The following SLC35F5 variants were observed in gnomAD, a reference collection of about 807,000 sequenced individuals.
The protein encoded by SLC35F5 is solute carrier family 35 member F5.
Under a neutral mutation model 68.6 loss-of-function variants are expected in SLC35F5, and 54 were observed. The observed-to-expected ratio is 0.79, with a 90% CI of 0.63 to 0.99. The LOEUF (loss-of-function observed/expected upper bound fraction) is 0.99. Among genes scored for constraint, SLC35F5 ranks in the 50% least tolerant of loss-of-function variants. The pLI, the probability that SLC35F5 is intolerant of heterozygous loss-of-function variation, is 0.00. For synonymous variants in SLC35F5, 211 were observed against 205.2 expected (o/e 1.03, Z -0.24); for missense variants, 567 against 626.9 (o/e 0.90, Z 1.02).
intron 5 of SLC35F5, among the ~76,000 whole-genome samples, chr2:113,745,206 TGC>T (rs1265495660): frequency 4.6e-5 from 7 of 152,196 alleles, no homozygotes; most frequent in African/African-American, 1.7e-4. Flanking sequence ...ATCTCAACTT[TGC>T]CCTCTGTACT....
chr2:113,756,443 G>A lies in SLC35F5; in HGVS notation c.-34C>T. ...CGGTCAGGCCCCGCAGCCGCCCAGCGCCACGGCCGCGGCCTCGGACTCACA... is the reference window on the plus strand; with the variant it reads ...CGGTCAGGCCCCGCAGCCGCCCAGCACCACGGCCGCGGCCTCGGACTCACA... On this transcript the variant is annotated 5_prime_UTR_variant, in exon 1 of 16. Coordinates refer to ENST00000245680, the MANE Select transcript of SLC35F5 (RefSeq NM_025181.5). 1 of 1,540,000 alleles carries A rather than the reference G, an allele frequency of 6.5e-7. No individual in the cohort carries two copies. The highest frequency in any genetic ancestry group is 8.7e-7 in the Non-Finnish European group (1 of 1,145,418).
chr2:113,755,949 G>T (rs1676966419), intron 1 of SLC35F5: 20 of 1,550,226 alleles, frequency 1.3e-5, no homozygotes, highest in Non-Finnish European at 1.5e-5. Context: ...GTGGAATTTG[G>T]TTATCGGAGA....
Position 113,750,507 on chromosome 2 carries a change from A to G in SLC35F5, c.335T>C (p.Val112Ala), listed in dbSNP as rs1265832767. Residue 112 changes from valine (V) to alanine (A), a missense_variant, in exon 4 of 16, where the codon GTT becomes GCT. Val to Ala is a moderately conservative substitution (Grantham distance 64). Coordinates refer to ENST00000245680, the MANE Select transcript of SLC35F5 (RefSeq NM_025181.5). ...FSTFAKTSMF[V>A]LYLLGFIIWK... The stretch of plus-strand genomic sequence containing the variant: ...AATAATAAAGCCCAAAAGGTACAAA[A>G]CAAACATAGATGTTTTTGCAAAGGT... The G allele has an allele frequency of 1.2e-6, 2 of 1,613,804 alleles. No individual in the cohort carries two copies. Among genetic ancestry groups the G allele is most frequent in the Non-Finnish European group, 1.7e-6 (2 of 1,179,840 alleles).
downstream of SLC35F5, chr2:113,703,924 C>G (rs1181628468): frequency 6.6e-6 from 1 of 152,442 alleles, no homozygotes; most frequent in Non-Finnish European, 1.5e-5. Flanking sequence ...GAAGCCGTGG[C>G]TCCTCGCGGT....
chr2:113,734,375 T>C (rs1427900700), intron 9 of SLC35F5, among the ~76,000 whole-genome samples: 1 of 152,218 alleles, frequency 6.6e-6, no homozygotes, highest in Non-Finnish European at 1.5e-5. Flanking sequence ...CAAAGCAGCC[T>C]TGGGGTTTTC....
At chr2:113,726,852 G>A (rs750696389) in intron 11 of SLC35F5, among the ~76,000 whole-genome samples, 1 of 152,112 alleles carries the variant, frequency 6.6e-6, no homozygotes, top group Admixed American at 6.6e-5. Context: ...TGCGCCACAC[G>A]GTTCTTTCCC....
chr2:113,740,831 T>C (rs955469152), intron 7 of SLC35F5, among the ~76,000 whole-genome samples: 13 of 152,172 alleles, frequency 8.5e-5, no homozygotes, highest in East Asian at 1.9e-4. Flanking sequence ...TTCACCACAT[T>C]GGCCAGGATG....
rs984504108 is a variant in SLC35F5, at chr2:113,709,609, A to C, written c.*5609T>G. ...CCAGATTGAATAATCTCCCCCAAAT[A>C]AATTCACTAATGAGGAACAGAAGGA... On this transcript the variant is annotated 3_prime_UTR_variant, in exon 16 of 16. Transcript: ENST00000245680. Among the ~76,000 whole-genome samples the C allele has an allele frequency of 1.3e-5, 2 of 152,142 alleles. No individual in the cohort carries two copies. Among genetic ancestry groups the C allele is most frequent in the African/African-American group, 4.8e-5 (2 of 41,440 alleles).
At chr2:113,745,336 G>A (rs147754123) in intron 5 of SLC35F5, among the ~76,000 whole-genome samples, 139 of 152,256 alleles carry the variant, frequency 9.1e-4, no homozygotes, top group African/African-American at 3.2e-3. Context: ...AAAACAGAGA[G>A]ACAAACAAGA....
At chr2:113,726,311 G>A (rs1439220182) in intron 11 of SLC35F5, among the ~76,000 whole-genome samples, 6 of 152,030 alleles carry the variant, frequency 3.9e-5, no homozygotes, top group Non-Finnish European at 8.8e-5. Context: ...CACATGGTAA[G>A]CACTTAATAA....
intron 3 of SLC35F5, among the ~76,000 whole-genome samples, chr2:113,752,974 T>C (rs1030188846): frequency 2.0e-5 from 3 of 152,142 alleles, no homozygotes; most frequent in Admixed American, 6.5e-5. Flanking sequence ...TAAAATATGC[T>C]TTAAAATGCT....
rs1687875012 is a variant in SLC35F5, at chr2:113,731,269, A to ACAATTAAATGCAAT, written c.985+314_985+315insATTGCATTTAATTG. ...AATGCAATAAATGATCCTAGATCAG[A>ACAATTAAATGCAAT]AAAAGAACATTAGTGGAAAAAGTGG... On this transcript the variant is annotated intron_variant, in intron 10 of 15. Coordinates refer to ENST00000245680, the MANE Select transcript of SLC35F5 (RefSeq NM_025181.5). 2.0e-5 allele frequency among the ~76,000 whole-genome samples: 3 copies of ACAATTAAATGCAAT among 152,200 alleles called. No homozygotes were observed. In the South Asian group the frequency reaches 6.2e-4, roughly 32 times the overall value.
intron 5 of SLC35F5, 62 bp from the exon 6 acceptor site, chr2:113,743,856 T>G (rs1676381028): frequency 1.5e-6 from 2 of 1,361,176 alleles, no homozygotes; most frequent in Non-Finnish European, 2.0e-6. Flanking sequence ...TGGTTAAAAT[T>G]TAAATGGATA....
chr2:113,744,740 G>A (rs773877705), intron 5 of SLC35F5, among the ~76,000 whole-genome samples: 6 of 152,098 alleles, frequency 3.9e-5, no homozygotes, highest in African/African-American at 1.2e-4. Context: ...GTGACAGAGC[G>A]AGACTCCATC....
chr2:113,735,832 T>G lies in SLC35F5; in HGVS notation c.777A>C (p.Gln259His), dbSNP rs576219497. Residue 259 changes from glutamine to histidine, a missense_variant, in exon 8 of 16, where the codon CAA becomes CAC. Transcript: ENST00000245680. Reference sequence around the variant, plus strand: ...CAACTTGTGTGTCTGAAAGTGCTTCTTGATATGACAAATTTGCCAAAAACC... The same window carrying G: ...CAACTTGTGTGTCTGAAAGTGCTTCGTGATATGACAAATTTGCCAAAAACC... ...FVWFLANLSY[Q>H]EALSDTQVAI... is the part of the protein sequence containing the mutation. The G allele has an allele frequency of 1.2e-6, 2 of 1,609,630 alleles. No homozygotes were observed. Among genetic ancestry groups the G allele is most frequent in the South Asian group, 2.2e-5 (2 of 89,766 alleles).
In SLC35F5 at chr2:113,740,702, C is replaced by G. The variant is rs1003231987; in HGVS notation, c.750+1990G>C. The stretch of plus-strand genomic sequence containing the variant: ...AGTACGGTGGCGCCGTATCGGCTCA[C>G]TGCAACCTCCACCTCCTGGGTTCAA... On this transcript the variant is annotated intron_variant, in intron 7 of 15. Transcript: ENST00000245680. 1.4e-4 allele frequency among the ~76,000 whole-genome samples: 21 copies of G among 152,162 alleles called. No homozygotes were observed. In the East Asian group the frequency reaches 3.1e-3, roughly 22 times the overall value.
intron 3 of SLC35F5, among the ~76,000 whole-genome samples, chr2:113,751,257 C>T (rs1676725576): frequency 6.6e-6 from 1 of 152,166 alleles, no homozygotes; most frequent in South Asian, 2.1e-4. Flanking sequence ...TGCCAAGTAA[C>T]AAGAGACGGG....
chr2:113,716,516 T>G (rs1178477033), intron 15 of SLC35F5, among the ~76,000 whole-genome samples: 1 of 152,068 alleles, frequency 6.6e-6, no homozygotes, highest in Non-Finnish European at 1.5e-5. Context: ...AGAACTGATA[T>G]GGAGACAGGA....
chr2:113,704,830 G>A (rs546175169), downstream of SLC35F5, among the ~76,000 whole-genome samples: 1 of 152,064 alleles, frequency 6.6e-6, no homozygotes, highest in Admixed American at 6.5e-5. Context: ...CTCCGGCCTC[G>A]GCCAGCCCAG....
Sources: allele counts gnomAD v4.1 joint callset (sites outside exome capture counted in the v4.1 genomes callset), GRCh38; gene constraint gnomAD v4.1.1; transcripts MANE v1.5; gene names NCBI Gene and HGNC (gene_info 2026-07-23, HGNC 2026-07-21).